ASAH1: variants seen among roughly 807,000 people sequenced by gnomAD.
ASAH1 encodes the protein N-acylsphingosine amidohydrolase 1, also known as acid ceramidase.
A neutral mutation model predicts 59.5 loss-of-function variants in ASAH1; 70 were observed. That is an observed-to-expected ratio of 1.18 (90% CI 0.97 to 1.43). The LOEUF is 1.43. Among genes scored for constraint, ASAH1 ranks in the 40% most tolerant of loss-of-function variants. The probability of loss-of-function intolerance (pLI) is 0.00; values close to 1 mark genes in which losing one functional copy is unlikely to be tolerated. For missense variants in ASAH1, 660 were observed against 482.5 expected (o/e 1.37, Z -3.45); for synonymous variants, 213 against 166.5 (o/e 1.28, Z -2.15).
intron 1 of ASAH1, among the ~76,000 whole-genome samples, chr8:18,077,236 T>A (rs1800441552): frequency 6.6e-6 from 1 of 152,208 alleles, no homozygotes; most frequent in Non-Finnish European, 1.5e-5. Flanking sequence ...ATAACACATG[T>A]GAGATTCCAA....
At chr8:18,065,546 T>G (rs947398464) in intron 5 of ASAH1, 2 of 152,112 alleles carry the variant, frequency 1.3e-5, no homozygotes, top group Admixed American at 6.5e-5. Context: ...GGGGAAAATA[T>G]TTTTCGTTAC....
intron 5 of ASAH1, chr8:18,064,826 CT>C: frequency 3.1e-6 from 1 of 325,306 alleles, no homozygotes; most frequent in Non-Finnish European, 5.7e-6. Context: ...TTTGAATTTT[CT>C]TTTGGGAGCG....
rs777754989 is a variant in ASAH1 at position 18,084,002 on chromosome 8, G to A, written c.57C>T (p.Ala19=). The change falls in exon 1 of 14, where the codon GCC becomes GCT. Residue 19 remains alanine (A), a synonymous_variant. Transcript: ENST00000637790. ...TCACCGGCGGCGCGTGCTGCGCGAC[G>A]GCACAGCTGACGGCGGCAGCCAGGA... ...LVLLAAAVSC[A]VAQHAPPWTE... is the part of the protein sequence containing the mutation. 6 of 1,598,098 alleles carry A rather than the reference G, an allele frequency of 3.8e-6. No homozygotes were observed. Among genetic ancestry groups the A allele is most frequent in the South Asian group, 2.2e-5 (2 of 91,062 alleles).
chr8:18,079,105 C>T (rs1800535995), intron 1 of ASAH1, among the ~76,000 whole-genome samples: 1 of 148,286 alleles, frequency 6.7e-6, no homozygotes, highest in African/African-American at 2.5e-5. Context: ...GGCGAAATCC[C>T]CGTTACTACT....
intron 6 of ASAH1, 68 bp downstream of exon 6, chr8:18,064,389 A>G (rs973154553): frequency 8.1e-7 from 1 of 1,233,694 alleles, no homozygotes; most frequent in African/African-American, 1.5e-5. Flanking sequence ...AGAAGTTCTA[A>G]TTTCATTTAG....
chr8:18,059,732 G>C (rs565763824), intron 10 of ASAH1, 29 bp from the exon 11 acceptor site: 1 of 1,567,552 alleles, frequency 6.4e-7, no homozygotes, highest in South Asian at 1.2e-5. Flanking sequence ...AAAGAAAAAT[G>C]AAACTTTTTT....
chr8:18,081,277 G>C (rs1800641584), intron 1 of ASAH1, among the ~76,000 whole-genome samples: 1 of 151,986 alleles, frequency 6.6e-6, no homozygotes, highest in African/African-American at 2.4e-5. Context: ...TTTTTTTCTA[G>C]AACATCTACT....
Position 18,059,617 on chromosome 8 carries a change from C to T in ASAH1, c.872G>A (p.Gly291Asp), listed in dbSNP as rs776590059. The T allele has an allele frequency of 7.4e-6, 12 of 1,614,218 alleles. No homozygotes were observed. Among genetic ancestry groups the T allele is most frequent in the Non-Finnish European group, 1.0e-5 (12 of 1,180,040 alleles). Residue 291 changes from glycine (G) to aspartate (D), a missense_variant, in exon 11 of 14, where the codon GGT becomes GAT. Gly to Asp is a moderately conservative substitution (Grantham distance 94, BLOSUM62 -1). Coordinates refer to ENST00000637790, the MANE Select transcript of ASAH1 (RefSeq NM_177924.5). ...FILGGNQSGE[G>D]CVITRDRKES... The stretch of plus-strand genomic sequence containing the variant: ...CTTTCTGTCTCGTGTAATCACACAA[C>T]CTTCCCCAGACTGGTTGCCTCCCAG...
chr8:18,073,224 C>G (rs376941841), intron 2 of ASAH1: 5 of 1,552,794 alleles, frequency 3.2e-6, no homozygotes, highest in Non-Finnish European at 4.4e-6. Flanking sequence ...TTGTGCGCCT[C>G]CATTTCCCCA....
Position 18,084,104 on chromosome 8 carries a change from G to C in ASAH1, c.-46C>G. The C allele has an allele frequency of 6.3e-7, 1 of 1,594,772 alleles. No individual in the cohort carries two copies. Among genetic ancestry groups the C allele is most frequent in the Non-Finnish European group, 8.5e-7 (1 of 1,178,212 alleles). On this transcript the variant is annotated 5_prime_UTR_variant, in exon 1 of 14. Transcript: ENST00000637790. The stretch of plus-strand genomic sequence containing the variant: ...CTCCCCGGACTCCAGCAGAGGCAAA[G>C]AAGAGCCGGCTGGGCCGGGGGCAGG...
At chr8:18,064,578 G>A in intron 5 of ASAH1, 47 bp from the exon 6 acceptor site, 1 of 1,085,986 alleles carries the variant, frequency 9.2e-7, no homozygotes, top group Non-Finnish European at 1.4e-6. Context: ...CCATGACAAT[G>A]GGAGAAAAAT....
At chr8:18,072,704 T>C (rs78827716) in intron 2 of ASAH1, among the ~76,000 whole-genome samples, 1 of 152,202 alleles carries the variant, frequency 6.6e-6, no homozygotes, top group Non-Finnish European at 1.5e-5. Flanking sequence ...TAATTTCACA[T>C]GTAAAATTTT....
At chr8:18,067,500 T>C (rs1042238708) in intron 4 of ASAH1, 1 of 241,254 alleles carries the variant, frequency 4.1e-6, no homozygotes, top group East Asian at 9.5e-5. Context: ...AAAGATTCTA[T>C]GTAATACTGA....
chr8:18,077,141 G>A (rs1226420846), intron 1 of ASAH1, among the ~76,000 whole-genome samples: 3 of 151,476 alleles, frequency 2.0e-5, no homozygotes, highest in East Asian at 1.9e-4. Flanking sequence ...CAGGATATCC[G>A]GCCTCTATTT....
At position 18,057,330 on chromosome 8, in the gene ASAH1, A is replaced by T. The variant is rs1028316168; in HGVS notation, c.*204T>A. On this transcript the variant is annotated 3_prime_UTR_variant, in exon 14 of 14. Coordinates refer to ENST00000637790, the MANE Select transcript of ASAH1 (RefSeq NM_177924.5). ...CTGTTTTACTTCCCCTAAAGAAGTTATCTGTAAATAAGAAAAATCAACTGA... is the reference window on the plus strand; with the variant it reads ...CTGTTTTACTTCCCCTAAAGAAGTTTTCTGTAAATAAGAAAAATCAACTGA... 5.1e-6 allele frequency: 2 copies of T among 388,572 alleles called. No individual in the cohort carries two copies. The highest frequency in any genetic ancestry group is 4.2e-5 in the African/African-American group (2 of 47,968). 24.1% of individuals were successfully genotyped at this position (388,572 alleles called of 1,614,324 possible). A position where few individuals can be genotyped will look rare whatever the true frequency, so the allele number is the denominator to read the frequency against.
intron 8 of ASAH1, chr8:18,062,012 G>C: frequency 1.6e-6 from 1 of 618,478 alleles, no homozygotes; most frequent in Non-Finnish European, 2.8e-6. Context: ...GTGAGCGGAA[G>C]ACCCAGGACT....
chr8:18,058,582 T>C (rs1799562630), intron 13 of ASAH1: 1 of 506,520 alleles, frequency 2.0e-6, no homozygotes, highest in Non-Finnish European at 3.5e-6. Flanking sequence ...AAGAGTAAAA[T>C]GCTAGCCTTA....
intron 3 of ASAH1, among the ~76,000 whole-genome samples, chr8:18,070,386 G>A (rs1358806431): frequency 6.6e-6 from 1 of 152,126 alleles, no homozygotes; most frequent in Non-Finnish European, 1.5e-5. Context: ...CTGACCTCGT[G>A]ATCCACCCGC....
At chr8:18,083,950 C>A in intron 1 of ASAH1, 31 bp downstream of exon 1, 1 of 1,591,028 alleles carries the variant, frequency 6.3e-7, no homozygotes, top group Non-Finnish European at 8.5e-7. Flanking sequence ...CCTGCACGCC[C>A]CTCTCTGCGC....
Sources: gnomAD v4.1 joint callset for allele counts (sites outside exome capture counted in the v4.1 genomes callset) on GRCh38, gnomAD v4.1.1 for gene constraint, MANE v1.5 for transcripts, NCBI Gene and HGNC (gene_info 2026-07-23, HGNC 2026-07-21) for gene names.